The following SLC38A8 variants were observed in gnomAD, a reference collection of about 807,000 sequenced individuals.
SLC38A8 encodes amino acid transporter SLC38A8.
A neutral mutation model predicts 46.0 loss-of-function variants in SLC38A8; 65 were observed. The observed-to-expected ratio is 1.41, with a 90% CI of 1.16 to 1.74. The LOEUF is 1.74. Among genes scored for constraint, SLC38A8 ranks in the 40% most tolerant of loss-of-function variants. SLC38A8 has a pLI of 0.00. For synonymous variants in SLC38A8, 447 were observed against 243.7 expected, an observed-to-expected ratio of 1.83 and a Z score of -7.77; for missense variants, 998 against 567.9, an observed-to-expected ratio of 1.76 and a Z score of -7.70.
At chr16:84,018,415 T>A (rs1006210577) in intron 7 of SLC38A8, among the ~76,000 whole-genome samples, 3 of 152,012 alleles carry the variant, frequency 2.0e-5, no homozygotes, top group East Asian at 3.9e-4. Context: ...AAGACAGGGT[T>A]TCACCGTGTT....
chr16:84,038,160 A>C (rs549197723), intron 2 of SLC38A8, among the ~76,000 whole-genome samples: 1 of 152,090 alleles, frequency 6.6e-6, no homozygotes, highest in South Asian at 2.1e-4. Context: ...AAAACACAAA[A>C]ATTAGCCAGG....
At chr16:84,018,819 G>A (rs1322824032) in intron 7 of SLC38A8, among the ~76,000 whole-genome samples, 3 of 152,152 alleles carry the variant, frequency 2.0e-5, no homozygotes, top group Non-Finnish European at 1.5e-5. Flanking sequence ...CAAGACAAAG[G>A]GGATCTGGTC....
chr16:84,028,007 C>T (rs576034341), intron 6 of SLC38A8, among the ~76,000 whole-genome samples: 21 of 151,870 alleles, frequency 1.4e-4, no homozygotes, highest in African/African-American at 3.6e-4. Flanking sequence ...AGCAGCACGC[C>T]GACTGATTAC....
chr16:84,016,486 G>C (rs1243056031), intron 9 of SLC38A8, 33 bp downstream of exon 9: 2 of 1,606,924 alleles, frequency 1.2e-6, no homozygotes, highest in African/African-American at 1.3e-5. Flanking sequence ...GGAAGAACAA[G>C]TGGGCAGAAA....
At chr16:84,034,960 A>G (rs1353741370) in intron 3 of SLC38A8, among the ~76,000 whole-genome samples, 1 of 152,136 alleles carries the variant, frequency 6.6e-6, no homozygotes, top group Non-Finnish European at 1.5e-5. Flanking sequence ...ACCTCGTGCC[A>G]TGACTCCCCC....
intron 9 of SLC38A8, among the ~76,000 whole-genome samples, chr16:84,013,768 G>A (rs983950338): frequency 6.6e-6 from 1 of 151,130 alleles, no homozygotes; most frequent in Admixed American, 6.6e-5. Context: ...CTAGGATTCA[G>A]GGCCATGTAG....
At position 84,023,493 on chromosome 16, in the gene SLC38A8, C is replaced by T. The variant is rs998243983; in HGVS notation, c.691-604G>A. On this transcript the variant is annotated intron_variant, in intron 6 of 10. Transcript: ENST00000299709. The stretch of plus-strand genomic sequence containing the variant: ...CCACATGCCCACCAAGAGCAGAGGG[C>T]GTAAGTAAATGGCAGGATACTAACA... Among the ~76,000 whole-genome samples, 5 of 152,142 alleles carry T rather than the reference C, an allele frequency of 3.3e-5. No individual in the cohort carries two copies. In the East Asian group the frequency reaches 5.8e-4, roughly 18 times the overall value.
intron 2 of SLC38A8, 97 bp downstream of exon 2, chr16:84,041,872 G>A (rs2085370699): frequency 6.4e-6 from 7 of 1,099,122 alleles, no homozygotes; most frequent in Non-Finnish European, 7.9e-6. Context: ...ATAGCTTACA[G>A]GACACGCAAC....
Position 84,020,514 on chromosome 16 carries a change from C to G in SLC38A8, c.805+2261G>C, listed in dbSNP as rs370403857. ...TCTGTAGCTCTCGCTATCTGCCAGC[C>G]TGCAGAATTAGCAACGCACGCATCC... is the stretch of plus-strand genomic sequence containing the variant. On this transcript the variant is annotated intron_variant, in intron 7 of 10. Transcript: ENST00000299709. 7.2e-5 allele frequency among the ~76,000 whole-genome samples: 11 copies of G among 152,326 alleles called. No individual in the cohort carries two copies. The East Asian group carries it at 2.1e-3, about 29-fold the overall frequency.
chr16:84,033,550 G>T, intron 3 of SLC38A8, 81 bp from the exon 4 acceptor site: 1 of 1,471,788 alleles, frequency 6.8e-7, no homozygotes, highest in Admixed American at 2.5e-5. Context: ...TTCAACCCTG[G>T]CTGGGGTTGG....
Position 84,017,227 on chromosome 16 carries a change from G to A in SLC38A8, c.866C>T (p.Pro289Leu), listed in dbSNP as rs747972747. ...CACAATGATGACCATATCATTGCCT[G>A]GGTAGGACATCAAGACGTCAGCAGA... is the stretch of plus-strand genomic sequence containing the variant. ...EVSADVLMSYPGNDMVIIVAR... is the reference protein window; with the variant it reads ...EVSADVLMSYLGNDMVIIVAR... The change falls in exon 8 of 11, where the codon CCA becomes CTA. Residue 289 changes from proline (P) to leucine (L), a missense_variant. Physicochemically the swap from Pro to Leu is moderately conservative, Grantham distance 98. Transcript: ENST00000299709. The A allele has an allele frequency of 1.2e-6, 2 of 1,614,126 alleles. No individual in the cohort carries two copies. Among genetic ancestry groups the A allele is most frequent in the East Asian group, 2.2e-5 (1 of 44,880 alleles).
intron 6 of SLC38A8, among the ~76,000 whole-genome samples, chr16:84,028,945 C>T (rs1044858422): frequency 2.6e-5 from 4 of 152,108 alleles, no homozygotes; most frequent in African/African-American, 9.7e-5. Context: ...CATATAGCCC[C>T]GTCCTCCCTC....
chr16:84,039,210 G>C (rs1347890433), intron 2 of SLC38A8, among the ~76,000 whole-genome samples: 3 of 152,212 alleles, frequency 2.0e-5, no homozygotes, highest in Non-Finnish European at 4.4e-5. Context: ...CTTCATGTCA[G>C]ATTCCTGACC....
intron 2 of SLC38A8, among the ~76,000 whole-genome samples, chr16:84,039,663 G>T (rs1205002341): frequency 1.4e-5 from 2 of 147,590 alleles, no homozygotes; most frequent in Non-Finnish European, 3.0e-5. Flanking sequence ...CAGGAGAATC[G>T]CTTGAACCAG....
In SLC38A8 at chr16:84,017,233, G is replaced by T; in HGVS notation, c.860C>A (p.Ser287Tyr). 4 of 1,614,138 alleles carry T rather than the reference G, an allele frequency of 2.5e-6. No homozygotes were observed. The highest frequency in any genetic ancestry group is 2.2e-5 in the East Asian group (1 of 44,882). Residue 287 changes from serine (S) to tyrosine (Y), a missense_variant, in exon 8 of 11, where the codon TCC becomes TAC. By Grantham distance (144) the Ser-to-Tyr change is moderately radical. Coordinates refer to ENST00000299709, the MANE Select transcript of SLC38A8 (RefSeq NM_001080442.3). Reference sequence around the variant, plus strand: ...GATGACCATATCATTGCCTGGGTAGGACATCAAGACGTCAGCAGAAACTTC... The same window carrying T: ...GATGACCATATCATTGCCTGGGTAGTACATCAAGACGTCAGCAGAAACTTC... Reference protein sequence around the residue: ...GTEVSADVLMSYPGNDMVIIV... With the variant: ...GTEVSADVLMYYPGNDMVIIV...
chr16:84,018,962 G>A (rs576748517), intron 7 of SLC38A8, among the ~76,000 whole-genome samples: 2 of 152,048 alleles, frequency 1.3e-5, no homozygotes, highest in South Asian at 4.1e-4. Context: ...CCAGTGATGA[G>A]GACTATTTTC....
At chr16:84,041,015 T>C (rs2085361114) in intron 2 of SLC38A8, 1 of 152,202 alleles carries the variant, frequency 6.6e-6, no homozygotes, top group African/African-American at 2.4e-5. Context: ...ACTCAGCCAT[T>C]ATCCACCAGC....
chr16:84,034,406 G>A (rs747243956), intron 3 of SLC38A8, among the ~76,000 whole-genome samples: 1 of 152,220 alleles, frequency 6.6e-6, no homozygotes, highest in Non-Finnish European at 1.5e-5. Context: ...TGAATGATTT[G>A]GAACCCATCT....
intron 2 of SLC38A8, among the ~76,000 whole-genome samples, chr16:84,038,643 C>A (rs13330064): frequency 0.017 from 2,557 of 152,280 alleles, 87 homozygotes; most frequent in African/African-American, 0.058. Flanking sequence ...GGAAGATGTA[C>A]AATGCACATG....
Sources: allele counts gnomAD v4.1 joint callset (sites outside exome capture counted in the v4.1 genomes callset), GRCh38; gene constraint gnomAD v4.1.1; transcripts MANE v1.5; gene names NCBI Gene and HGNC (gene_info 2026-07-23, HGNC 2026-07-21).